The following GRIK3 variants were observed in gnomAD, a reference collection of about 807,000 sequenced individuals.
The protein encoded by GRIK3 is glutamate ionotropic receptor kainate type subunit 3, also known as glutamate receptor ionotropic, kainate 3.
GRIK3 carries 29 observed loss-of-function variants against 102.5 expected under a neutral mutation model. That is an observed-to-expected ratio of 0.28 (90% CI 0.21 to 0.39). The LOEUF (loss-of-function observed/expected upper bound fraction) is 0.39, where lower values mean the gene tolerates loss of function less well. GRIK3 is among the 10% of genes least tolerant of loss of function. The pLI is 1.00. For missense variants in GRIK3, 908 were observed against 1,252.4 expected, an observed-to-expected ratio of 0.73 and a Z score of 4.15; for synonymous variants, 511 against 504.9, an observed-to-expected ratio of 1.01 and a Z score of -0.16.
intron 1 of GRIK3, among the ~76,000 whole-genome samples, chr1:36,949,194 A>G (rs1355263848): frequency 2.0e-5 from 3 of 152,174 alleles, no homozygotes; most frequent in South Asian, 4.1e-4. Flanking sequence ...CCAGACACAG[A>G]CCTGGTTCCT....
intron 1 of GRIK3, among the ~76,000 whole-genome samples, chr1:36,988,940 C>T (rs765881541): frequency 6.6e-5 from 10 of 152,292 alleles, no homozygotes; most frequent in African/African-American, 2.2e-4. Flanking sequence ...GTATTTGAAA[C>T]GTACAGGCCC....
At position 36,935,092 on chromosome 1, in the gene GRIK3, T is replaced by C. The variant is rs74480745; in HGVS notation, c.116-43996A>G. Among the ~76,000 whole-genome samples, 430 of 152,332 alleles carry C rather than the reference T, an allele frequency of 2.8e-3. 2 individuals carry two copies. The highest frequency in any genetic ancestry group is 9.8e-3 in the African/African-American group (408 of 41,570). On this transcript the variant is annotated intron_variant, in intron 1 of 15. Transcript: ENST00000373091. ...TAGTTAATAACTCTATTCTGTTACA[T>C]GCACTTAGGTATACTTGTTCAGCAA...
intron 1 of GRIK3, among the ~76,000 whole-genome samples, chr1:37,017,159 G>A (rs1350672558): frequency 1.3e-5 from 2 of 151,268 alleles, no homozygotes; most frequent in African/African-American, 4.9e-5. Flanking sequence ...GGGTTGCAGT[G>A]AGCCGAGATT....
intron 1 of GRIK3, among the ~76,000 whole-genome samples, chr1:36,996,912 G>A (rs892204339): frequency 3.3e-5 from 5 of 152,158 alleles, no homozygotes; most frequent in Admixed American, 3.3e-4. Flanking sequence ...AGACATTTTT[G>A]GTTATCACAG....
chr1:36,862,771 C>T (rs1360154447), intron 5 of GRIK3, among the ~76,000 whole-genome samples: 5 of 152,174 alleles, frequency 3.3e-5, no homozygotes, highest in African/African-American at 9.7e-5. Context: ...TTGAAAGTGC[C>T]ACCTACCATA....
chr1:36,862,135 A>G (rs1457147637), intron 5 of GRIK3, among the ~76,000 whole-genome samples: 1 of 152,168 alleles, frequency 6.6e-6, no homozygotes, highest in Non-Finnish European at 1.5e-5. Flanking sequence ...GTCTATTTCA[A>G]TGGTGTGCTG....
chr1:36,979,240 G>A (rs750044033), intron 1 of GRIK3, among the ~76,000 whole-genome samples: 20 of 152,252 alleles, frequency 1.3e-4, no homozygotes, highest in Non-Finnish European at 2.6e-4. Flanking sequence ...TCTACCTGCA[G>A]GATTGGCCTG....
intron 1 of GRIK3, among the ~76,000 whole-genome samples, chr1:36,996,575 AAGG>A (rs955685887): frequency 3.3e-5 from 5 of 152,316 alleles, no homozygotes; most frequent in Admixed American, 1.3e-4. Context: ...CTAAGCTGAG[AAGG>A]AGGTGGGAGA....
In GRIK3 at chr1:36,956,786, G is replaced by T. The variant is rs61481665; in HGVS notation, c.116-65690C>A. The stretch of plus-strand genomic sequence containing the variant: ...ATTGACTCTGGGGGATGAACACATG[G>T]TACTTACTGTTCTATTCTCTCTACT... On this transcript the variant is annotated intron_variant, in intron 1 of 15. Coordinates refer to ENST00000373091, the MANE Select transcript of GRIK3 (RefSeq NM_000831.4). Among the ~76,000 whole-genome samples the T allele has an allele frequency of 6.4e-3, 979 of 152,290 alleles. 13 individuals carry two copies. Among genetic ancestry groups the T allele is most frequent in the African/African-American group, 0.022 (933 of 41,562 alleles).
At chr1:36,975,582 T>C (rs1642188725) in intron 1 of GRIK3, among the ~76,000 whole-genome samples, 1 of 152,194 alleles carries the variant, frequency 6.6e-6, no homozygotes, top group African/African-American at 2.4e-5. Context: ...CATGAGCCAC[T>C]GCGCCCAGCC....
intron 1 of GRIK3, among the ~76,000 whole-genome samples, chr1:36,926,536 A>G (rs538170577): frequency 6.6e-6 from 1 of 152,170 alleles, no homozygotes; most frequent in African/African-American, 2.4e-5. Flanking sequence ...GACTACAGGC[A>G]CACACCACTA....
At chr1:36,943,619 C>T (rs72919508) in intron 1 of GRIK3, among the ~76,000 whole-genome samples, 9,587 of 152,112 alleles carry the variant, frequency 0.063, 955 homozygotes, top group African/African-American at 0.21. Flanking sequence ...TGTTAAGATC[C>T]GAACCAGAAA....
At chr1:37,018,246 T>C (rs1294913813) in intron 1 of GRIK3, among the ~76,000 whole-genome samples, 2 of 152,172 alleles carry the variant, frequency 1.3e-5, no homozygotes, top group African/African-American at 4.8e-5. Context: ...ACAGGCCTGG[T>C]TCGGTAACAC....
At chr1:36,955,309 G>A (rs567436920) in intron 1 of GRIK3, among the ~76,000 whole-genome samples, 1 of 152,186 alleles carries the variant, frequency 6.6e-6, no homozygotes, top group East Asian at 1.9e-4. Context: ...GGGTACAGGG[G>A]CTGGGCCTGA....
chr1:36,984,519 C>G (rs1428984281), intron 1 of GRIK3, among the ~76,000 whole-genome samples: 2 of 152,226 alleles, frequency 1.3e-5, no homozygotes, highest in Non-Finnish European at 2.9e-5. Context: ...CTTACCCAAA[C>G]TCCAGAACTT....
intron 1 of GRIK3, among the ~76,000 whole-genome samples, chr1:37,011,790 T>G (rs1180553142): frequency 6.6e-6 from 1 of 152,210 alleles, no homozygotes; most frequent in Non-Finnish European, 1.5e-5. Flanking sequence ...GGGCCTGTTA[T>G]GACTCCTAGC....
In GRIK3 at chr1:36,801,742, TG is replaced by T; in HGVS notation, c.*108del. ...GGAGGCTCCTGGCCCAACAGGCAGG[TG>T]GCAGCTCTGGTCCCCAAGCCCAGTG... On this transcript the variant is annotated 3_prime_UTR_variant, in exon 16 of 16. Transcript: ENST00000373091. The T allele has an allele frequency of 1.1e-6, 1 of 919,950 alleles. No homozygotes were observed. The allele number at this position is 919,950 out of a possible 1,614,324, so 57.0% of individuals were successfully genotyped here. A position where few individuals can be genotyped will look rare whatever the true frequency, so the allele number is the denominator to read the frequency against.
intron 1 of GRIK3, among the ~76,000 whole-genome samples, chr1:36,909,631 C>A (rs1641324333): frequency 6.6e-6 from 1 of 151,984 alleles, no homozygotes; most frequent in African/African-American, 2.4e-5. Flanking sequence ...ATGCCCCTGC[C>A]CAAACCCATT....
At chr1:36,915,523 T>C (rs1458819828) in intron 1 of GRIK3, among the ~76,000 whole-genome samples, 4 of 152,220 alleles carry the variant, frequency 2.6e-5, no homozygotes, top group African/African-American at 4.8e-5. Flanking sequence ...AGCTGCTGCC[T>C]AGGGGAGGGA....
Sources: allele counts gnomAD v4.1 joint callset (sites outside exome capture counted in the v4.1 genomes callset), GRCh38; gene constraint gnomAD v4.1.1; transcripts MANE v1.5; gene names NCBI Gene and HGNC (gene_info 2026-07-23, HGNC 2026-07-21).